ARL17B: variants seen among roughly 807,000 people sequenced by gnomAD.
The protein encoded by ARL17B is ARF like GTPase 17B.
intron 3 of ARL17B, among the ~76,000 whole-genome samples, chr17:46,323,325 T>C (rs2051498972): frequency 1.3e-5 from 1 of 77,038 alleles, no homozygotes; most frequent in African/African-American, 4.0e-5. Context: ...TACTTTTGCC[T>C]TTTCCAGAAT....
downstream of ARL17B, chr17:46,330,843 G>C (rs767279570): frequency 9.8e-6 from 7 of 717,858 alleles, no homozygotes; most frequent in Middle Eastern, 7.3e-4. Flanking sequence ...AGCATCAGGA[G>C]GGAACAGGGT....
rs1483385146 is a variant in ARL17B at position 46,302,485 on chromosome 17, A to C, written c.260-2820T>G. The stretch of plus-strand genomic sequence containing the variant: ...GTGGAGAGAGATGGACACAAAAAGG[A>C]AAATATAAGAAAAGGTTTGAATGAA... On this transcript the variant is annotated intron_variant, in intron 3 of 4. Transcript: ENST00000434041. Among the ~76,000 whole-genome samples the C allele has an allele frequency of 4.7e-5, 3 of 63,808 alleles. 1 individual carries two copies. Among genetic ancestry groups the C allele is most frequent in the African/African-American group, 1.1e-4 (3 of 26,384 alleles). The allele number at this position is 63,808 out of a possible 152,430, so 41.9% of individuals were successfully genotyped here.
chr17:46,282,196 G>A (rs1184169994), intron 4 of ARL17B, among the ~76,000 whole-genome samples: 4 of 151,946 alleles, frequency 2.6e-5, no homozygotes, highest in Admixed American at 6.6e-5. Flanking sequence ...TCTGTCTCCC[G>A]GGTTCATGCC....
Position 46,314,503 on chromosome 17 carries a change from C to T in ARL17B, c.260-14838G>A, listed in dbSNP as rs1371115256. ...CAACAGAGTGAGACTCCAATGGAGA[C>T]GGGGTTTCAGCACGTTTATCCGTTT... On this transcript the variant is annotated intron_variant, in intron 3 of 4. Coordinates refer to the ARL17B transcript ENST00000434041. 2.5e-5 allele frequency among the ~76,000 whole-genome samples: 2 copies of T among 80,302 alleles called. 1 individual carries two copies. The highest frequency in any genetic ancestry group is 2.6e-4 in the Admixed American group (2 of 7,750). The allele number at this position is 80,302 out of a possible 152,430, so 52.7% of individuals were successfully genotyped here.
Position 46,334,904 on chromosome 17 carries a change from C to T in ARL17B, c.*4596G>A, listed in dbSNP as rs1204609665. 1 of 128,654 alleles carries T rather than the reference C, an allele frequency of 7.8e-6. No homozygotes were observed. Among genetic ancestry groups the T allele is most frequent in the Non-Finnish European group, 1.7e-5 (1 of 57,922 alleles). 8.0% of individuals were successfully genotyped at this position (128,654 alleles called of 1,614,324 possible). A position where few individuals can be genotyped will look rare whatever the true frequency, so the allele number is the denominator to read the frequency against. ...GAAAGTACAATATAACAACTGTCAA[C>T]AATGTACAATATGTATACATTTTAT... is the stretch of plus-strand genomic sequence containing the variant. On this transcript the variant is annotated 3_prime_UTR_variant, in exon 4 of 4. Coordinates refer to ENST00000450673, the MANE Select transcript of ARL17B (RefSeq NM_001039083.5).
rs373316670 is a variant in ARL17B, at chr17:46,312,705, G to C, written c.260-13040C>G. On this transcript the variant is annotated intron_variant, in intron 3 of 4. Coordinates refer to the ARL17B transcript ENST00000434041. ...ACAGAGCCCACCAGTGGTCTTACAA[G>C]TTTTCATGCCAAAAAAAAATCACGA... Among the ~76,000 whole-genome samples, 86 of 69,556 alleles carry C rather than the reference G, an allele frequency of 1.2e-3. 2 individuals are homozygous for C. The highest frequency in any genetic ancestry group is 7.4e-3 in the Middle Eastern group (1 of 136). The allele number at this position is 69,556 out of a possible 152,430, so 45.6% of individuals were successfully genotyped here.
At chr17:46,340,880 A>AG (rs71240407) in intron 3 of ARL17B, among the ~76,000 whole-genome samples, 32,770 of 78,828 alleles carry the variant, frequency 0.42, 6,657 homozygotes, top group Non-Finnish European at 0.65. Flanking sequence ...GTGGATCTCT[A>AG]GCCTAGAAAA....
intron 4 of ARL17B, among the ~76,000 whole-genome samples, chr17:46,278,391 GTTTTA>G (rs1199941851): frequency 2.8e-5 from 4 of 143,448 alleles, no homozygotes; most frequent in African/African-American, 5.5e-5. Context: ...GTTCTGTTTT[GTTTTA>G]TTTTGTTTTT....
downstream of ARL17B, chr17:46,332,452 A>G (rs1299738029): frequency 6.2e-5 from 30 of 481,482 alleles, no homozygotes; most frequent in Non-Finnish European, 1.1e-4. Context: ...ACCCTCTTTC[A>G]AAAAAATAAA....
intron 4 of ARL17B, among the ~76,000 whole-genome samples, chr17:46,291,200 C>T (rs184921086): frequency 5.3e-5 from 8 of 152,300 alleles, no homozygotes; most frequent in South Asian, 4.1e-4. Flanking sequence ...TTTATAACAT[C>T]GTGGGACGGA....
At chr17:46,332,956 T>C (rs2052083000), downstream of ARL17B, among the ~76,000 whole-genome samples, 1 of 151,230 alleles carries the variant, frequency 6.6e-6, no homozygotes, top group Admixed American at 6.6e-5. Context: ...AACAATTGGA[T>C]GTACTCATCA....
At chr17:46,319,149 T>C (rs1337042268) in intron 3 of ARL17B, among the ~76,000 whole-genome samples, 2 of 29,730 alleles carry the variant, frequency 6.7e-5, no homozygotes, top group African/African-American at 1.5e-4. Flanking sequence ...GAATAAATGC[T>C]CCTTGGGTTG....
At chr17:46,292,778 A>G (rs2050109858) in intron 4 of ARL17B, 1 of 78,766 alleles carries the variant, frequency 1.3e-5, no homozygotes, top group East Asian at 2.4e-4. Context: ...TTGGATCTCA[A>G]TATCTCCCAC....
intron 4 of ARL17B, among the ~76,000 whole-genome samples, chr17:46,283,280 G>GA (rs1399058357): frequency 6.6e-5 from 10 of 152,214 alleles, no homozygotes; most frequent in South Asian, 2.1e-4. Context: ...TGAGACTTCT[G>GA]AAAAAACTTC....
intron 4 of ARL17B, among the ~76,000 whole-genome samples, chr17:46,287,512 T>C (rs1259222533): frequency 6.6e-6 from 1 of 152,264 alleles, no homozygotes; most frequent in Non-Finnish European, 1.5e-5. Context: ...CAAAATATGC[T>C]AAGAAGAAGA....
At chr17:46,274,460 T>TTG (rs141848181), downstream of ARL17B, among the ~76,000 whole-genome samples, 3 of 152,182 alleles carry the variant, frequency 2.0e-5, no homozygotes, top group African/African-American at 7.2e-5. Context: ...TGATTCGCAG[T>TTG]TGTGTGTGTG....
chr17:46,298,718 C>A, downstream of ARL17B, among the ~76,000 whole-genome samples: 3 of 88,854 alleles, frequency 3.4e-5, no homozygotes, highest in African/African-American at 3.6e-5. Context: ...AGCAAGACTC[C>A]ATCTCAAAAA....
At chr17:46,286,982 C>A (rs186265273) in intron 4 of ARL17B, among the ~76,000 whole-genome samples, 3 of 152,222 alleles carry the variant, frequency 2.0e-5, no homozygotes, top group Non-Finnish European at 4.4e-5. Flanking sequence ...GTATTCACAA[C>A]GAAAATGACA....
intron 4 of ARL17B, among the ~76,000 whole-genome samples, chr17:46,281,641 G>T (rs1231556199): frequency 2.6e-5 from 4 of 152,136 alleles, no homozygotes; most frequent in Non-Finnish European, 5.9e-5. Flanking sequence ...TGTTGGTAAG[G>T]TTGGGAATTT....
Sources: gnomAD v4.1 joint callset for allele counts (sites outside exome capture counted in the v4.1 genomes callset) on GRCh38, gnomAD v4.1.1 for gene constraint, MANE v1.5 for transcripts, NCBI Gene and HGNC (gene_info 2026-07-23, HGNC 2026-07-21) for gene names.